Variants in SGCZ observed in about 807,000 individuals in gnomAD.
SGCZ encodes the protein sarcoglycan zeta.
A neutral mutation model predicts 41.3 loss-of-function variants in SGCZ; 40 were observed. The observed-to-expected ratio is 0.97, with a 90% CI of 0.75 to 1.26. SGCZ has a LOEUF of 1.26. Among genes scored for constraint, SGCZ ranks in the 50% most tolerant of loss-of-function variants. SGCZ has a pLI of 0.00. For synonymous variants in SGCZ, 206 were observed against 137.5 expected, an observed-to-expected ratio of 1.50 and a Z score of -3.49; for missense variants, 552 against 369.8, an observed-to-expected ratio of 1.49 and a Z score of -4.04.
At chr8:14,640,071 T>G (rs1255043337) in intron 1 of SGCZ, among the ~76,000 whole-genome samples, 2 of 151,744 alleles carry the variant, frequency 1.3e-5, no homozygotes. Context: ...TCTATTACAA[T>G]GATAACATAT....
chr8:14,171,870 T>G (rs10481430), intron 4 of SGCZ, among the ~76,000 whole-genome samples: 9,205 of 152,164 alleles, frequency 0.06, 604 homozygotes, highest in African/African-American at 0.17. Flanking sequence ...GAAACATGCT[T>G]TTAGTGTCAT....
chr8:14,164,532 T>C (rs573286023), intron 5 of SGCZ, 48 bp downstream of exon 5: 1 of 1,608,448 alleles, frequency 6.2e-7, no homozygotes, highest in South Asian at 1.1e-5. Context: ...TGCAGTTGTA[T>C]ATTCTTTAAA....
intron 1 of SGCZ, among the ~76,000 whole-genome samples, chr8:15,167,223 C>G (rs1799690794): frequency 6.6e-6 from 1 of 152,142 alleles, no homozygotes; most frequent in South Asian, 2.1e-4. Context: ...TCTTTTGCAA[C>G]AGAACACAAT....
chr8:14,443,508 A>C (rs1449693313), intron 2 of SGCZ, among the ~76,000 whole-genome samples: 3 of 152,160 alleles, frequency 2.0e-5, no homozygotes, highest in African/African-American at 7.2e-5. Flanking sequence ...ATAACACCGC[A>C]TATCTACAAC....
chr8:14,481,253 T>C (rs1258003372), intron 2 of SGCZ, among the ~76,000 whole-genome samples: 1 of 152,162 alleles, frequency 6.6e-6, no homozygotes, highest in African/African-American at 2.4e-5. Flanking sequence ...GATGACATTT[T>C]ACACTAGCCA....
intron 1 of SGCZ, among the ~76,000 whole-genome samples, chr8:14,897,779 T>C (rs1364775485): frequency 6.6e-6 from 1 of 152,182 alleles, no homozygotes; most frequent in Non-Finnish European, 1.5e-5. Flanking sequence ...GATGTCTCTA[T>C]CCTTAGAAAT....
intron 1 of SGCZ, among the ~76,000 whole-genome samples, chr8:14,611,112 T>C (rs1277959306): frequency 2.6e-5 from 4 of 152,204 alleles, no homozygotes; most frequent in East Asian, 1.9e-4. Context: ...ATTAGAATTA[T>C]CTAAAATGTC....
intron 1 of SGCZ, among the ~76,000 whole-genome samples, chr8:15,107,641 C>T (rs1013778800): frequency 3.0e-4 from 46 of 152,284 alleles, no homozygotes; most frequent in African/African-American, 1.1e-3. Context: ...CTGTGAACTA[C>T]ATAAACCTTT....
At chr8:14,871,926 A>G (rs1013912510) in intron 1 of SGCZ, among the ~76,000 whole-genome samples, 10 of 151,098 alleles carry the variant, frequency 6.6e-5, no homozygotes, top group Non-Finnish European at 1.5e-4. Context: ...ATGTGTGTGT[A>G]TATATATGTA....
intron 2 of SGCZ, among the ~76,000 whole-genome samples, chr8:14,326,607 T>C (rs1371981966): frequency 6.6e-6 from 1 of 152,060 alleles, no homozygotes; most frequent in African/African-American, 2.4e-5. Context: ...TTGAGGCAAG[T>C]GAAAATGTCA....
chr8:14,929,649 C>G (rs908471533), intron 1 of SGCZ, among the ~76,000 whole-genome samples: 5 of 152,034 alleles, frequency 3.3e-5, no homozygotes, highest in Non-Finnish European at 5.9e-5. Context: ...TATATCTGCA[C>G]TGTGGAACCA....
intron 1 of SGCZ, among the ~76,000 whole-genome samples, chr8:14,816,619 C>T (rs966446958): frequency 2.0e-5 from 3 of 152,154 alleles, no homozygotes; most frequent in Admixed American, 1.3e-4. Context: ...TACTAAGTTA[C>T]TCTAGTTCAG....
chr8:14,622,709 T>C (rs1806326648), intron 1 of SGCZ, among the ~76,000 whole-genome samples: 1 of 152,172 alleles, frequency 6.6e-6, no homozygotes, highest in African/African-American at 2.4e-5. Context: ...GATGACACAA[T>C]GACATTAAGT....
intron 1 of SGCZ, among the ~76,000 whole-genome samples, chr8:14,618,725 AAATGATGGGTGCTCATGAAGGGT>A (rs1460334272): frequency 6.6e-6 from 1 of 152,216 alleles, no homozygotes; most frequent in African/African-American, 2.4e-5. Context: ...TTCAGGAAAC[AAATGATGGGTGCTCATGAAGGGT>A]AATAGCCACC....
chr8:14,974,810 G>C (rs181626505), intron 1 of SGCZ, among the ~76,000 whole-genome samples: 1 of 150,534 alleles, frequency 6.6e-6, no homozygotes, highest in East Asian at 1.9e-4. Context: ...AATTACTTTT[G>C]GCAAATTCAA....
intron 1 of SGCZ, among the ~76,000 whole-genome samples, chr8:15,059,063 G>T (rs1320257525): frequency 2.0e-5 from 3 of 151,940 alleles, no homozygotes; most frequent in African/African-American, 7.2e-5. Flanking sequence ...TTCTTGCTAT[G>T]CTGGAAGTAT....
intron 2 of SGCZ, among the ~76,000 whole-genome samples, chr8:14,361,204 G>C (rs532284771): frequency 1.3e-5 from 2 of 152,212 alleles, no homozygotes; most frequent in African/African-American, 4.8e-5. Context: ...CAAACATGTG[G>C]TTTGAGAAAA....
chr8:14,834,102 G>A (rs994853703), intron 1 of SGCZ, among the ~76,000 whole-genome samples: 3 of 151,978 alleles, frequency 2.0e-5, no homozygotes, highest in Admixed American at 2.0e-4. Context: ...AATTGAAAAG[G>A]GCTTTAGATT....
rs1054570470 is a variant in SGCZ at position 14,189,072 on chromosome 8, T to C, written c.425-24370A>G. ...TGGGGTTTTACTATGTTGGCAAGGC[T>C]GGTCTTGAACTCCTGACCTCAGGCC... On this transcript the variant is annotated intron_variant, in intron 4 of 7. Coordinates refer to ENST00000382080, the MANE Select transcript of SGCZ (RefSeq NM_139167.4). Among the ~76,000 whole-genome samples the C allele has an allele frequency of 1.3e-5, 2 of 150,858 alleles. 1 individual carries two copies. Among genetic ancestry groups the C allele is most frequent in the South Asian group, 4.2e-4 (2 of 4,776 alleles).
Sources: gnomAD v4.1 joint callset for allele counts (sites outside exome capture counted in the v4.1 genomes callset) on GRCh38, gnomAD v4.1.1 for gene constraint, MANE v1.5 for transcripts, NCBI Gene and HGNC (gene_info 2026-07-23, HGNC 2026-07-21) for gene names.